GPATCH2L: variants seen among roughly 807,000 people sequenced by gnomAD.
The protein encoded by GPATCH2L is G-patch domain containing 2 like.
Under a neutral mutation model 57.4 loss-of-function variants are expected in GPATCH2L, and 31 were observed. The observed-to-expected ratio is 0.54, with a 90% CI of 0.41 to 0.73. GPATCH2L has a LOEUF of 0.73. Ranked by LOEUF, GPATCH2L falls within the 30% of genes least tolerant of loss-of-function variation. The pLI, the probability that GPATCH2L is intolerant of heterozygous loss-of-function variation, is 0.00. For missense variants in GPATCH2L, 481 were observed against 599.9 expected (o/e 0.80, Z 2.07); for synonymous variants, 199 against 210.7 (o/e 0.94, Z 0.48).
intron 2 of GPATCH2L, among the ~76,000 whole-genome samples, chr14:76,160,173 G>A (rs1900120): frequency 0.77 from 116,682 of 152,032 alleles, 45,795 homozygotes; most frequent in South Asian, 0.88. Context: ...ACTGAATGAT[G>A]CTCAATGGGA....
intron 8 of GPATCH2L, among the ~76,000 whole-genome samples, chr14:76,188,259 G>A (rs549513594): frequency 5.9e-5 from 9 of 152,176 alleles, no homozygotes; most frequent in African/African-American, 1.7e-4. Flanking sequence ...GGATCATATG[G>A]TAGCTCTATT....
chr14:76,230,960 T>C (rs542344414), intron 2 of GPATCH2L, among the ~76,000 whole-genome samples: 1 of 152,222 alleles, frequency 6.6e-6, no homozygotes, highest in Non-Finnish European at 1.5e-5. Flanking sequence ...TGATCCTAAA[T>C]AGTGGCCTGT....
intron 2 of GPATCH2L, among the ~76,000 whole-genome samples, chr14:76,164,140 G>A (rs1353986767): frequency 6.6e-6 from 1 of 152,144 alleles, no homozygotes; most frequent in East Asian, 1.9e-4. Flanking sequence ...TTGCTTCTAT[G>A]GGATGTTGAC....
Position 76,209,655 on chromosome 14 carries a change from T to A in GPATCH2L, c.*7804T>A, listed in dbSNP as rs77244986. The A allele has an allele frequency of 0.022, 3,373 of 152,386 alleles. 75 individuals carry two copies. The highest frequency in any genetic ancestry group is 0.077 in the South Asian group (371 of 4,828). The allele number at this position is 152,386 out of a possible 1,614,324, so 9.4% of individuals were successfully genotyped here. On this transcript the variant is annotated 3_prime_UTR_variant, in exon 10 of 10. Coordinates refer to ENST00000261530, the MANE Select transcript of GPATCH2L (RefSeq NM_017926.4). ...GGCTTTCTGCTGCTGGTTAATTTTT[T>A]AATTTGGCTTCCTCAAGCCTTTTTG... is the stretch of plus-strand genomic sequence containing the variant.
intron 9 of GPATCH2L, among the ~76,000 whole-genome samples, chr14:76,198,760 G>A (rs1473230908): frequency 6.6e-6 from 1 of 150,600 alleles, no homozygotes; most frequent in Admixed American, 6.7e-5. Flanking sequence ...ATTGTCAAAT[G>A]TATTGTCAGA....
chr14:76,218,083 A>G (rs75940649), downstream of GPATCH2L, among the ~76,000 whole-genome samples: 187 of 152,274 alleles, frequency 1.2e-3, 4 homozygotes, highest in East Asian at 0.026. Flanking sequence ...GTGATAAAAT[A>G]TATTTATCTC....
At chr14:76,194,336 T>C (rs1388713324) in intron 8 of GPATCH2L, among the ~76,000 whole-genome samples, 1 of 152,228 alleles carries the variant, frequency 6.6e-6, no homozygotes, top group Non-Finnish European at 1.5e-5. Flanking sequence ...GGATGGAATT[T>C]TCCAAACCAC....
At chr14:76,228,715 C>G (rs1490013997) in intron 1 of GPATCH2L, among the ~76,000 whole-genome samples, 1 of 152,186 alleles carries the variant, frequency 6.6e-6, no homozygotes, top group Admixed American at 6.5e-5. Flanking sequence ...TCTCCTCCCT[C>G]TGTGTCCTTT....
In GPATCH2L at chr14:76,160,546, A is replaced by G. The variant is rs186835912; in HGVS notation, c.662+5521A>G. The stretch of plus-strand genomic sequence containing the variant: ...AAGAAGATACAACTGAAGAGAAAAA[A>G]GTGTTCTTGAGTTGAAAAATTAAGT... On this transcript the variant is annotated intron_variant, in intron 2 of 9. Transcript: ENST00000261530. Among the ~76,000 whole-genome samples, 11 of 152,368 alleles carry G rather than the reference A, an allele frequency of 7.2e-5. 1 individual carries two copies. The South Asian group carries it at 2.3e-3, about 32-fold the overall frequency.
At position 76,211,198 on chromosome 14, in the gene GPATCH2L, A is replaced by G. The variant is rs536089415; in HGVS notation, c.*9347A>G. 6.6e-6 allele frequency: 1 copy of G among 152,278 alleles called. No homozygotes were observed. Among genetic ancestry groups the G allele is most frequent in the African/African-American group, 2.4e-5 (1 of 41,450 alleles). The allele number at this position is 152,278 out of a possible 1,614,324, so 9.4% of individuals were successfully genotyped here. ...CACATGTAAAGCTTACAGAGGAACA[A>G]AGAGAGAAAGGCAAGAGCCAGGAAG... On this transcript the variant is annotated 3_prime_UTR_variant, in exon 10 of 10. Transcript: ENST00000261530.
chr14:76,233,955 G>A (rs2040586612), intron 2 of GPATCH2L, among the ~76,000 whole-genome samples: 1 of 151,818 alleles, frequency 6.6e-6, no homozygotes, highest in African/African-American at 2.4e-5. Context: ...ATAAGAAAAA[G>A]GAAAAATTAG....
chr14:76,177,806 C>A, intron 6 of GPATCH2L, 182 bp from the exon 7 acceptor site: 2 of 782,036 alleles, frequency 2.6e-6, no homozygotes, highest in South Asian at 1.6e-5. Context: ...TTAATTATTC[C>A]AACATCTTAT....
rs2040425998 is a variant in GPATCH2L at position 76,210,293 on chromosome 14, C to G, written c.*8442C>G. 6.6e-6 allele frequency: 1 copy of G among 152,170 alleles called. No homozygotes were observed. Among genetic ancestry groups the G allele is most frequent in the African/African-American group, 2.4e-5 (1 of 41,438 alleles). The allele number at this position is 152,170 out of a possible 1,614,324, so 9.4% of individuals were successfully genotyped here. On this transcript the variant is annotated 3_prime_UTR_variant, in exon 10 of 10. Coordinates refer to ENST00000261530, the MANE Select transcript of GPATCH2L (RefSeq NM_017926.4). The stretch of plus-strand genomic sequence containing the variant: ...CAGTTACAGACAAACTTGCTCGAGT[C>G]ACATATCTATTAAGTGTCAGTCAAG...
In GPATCH2L at chr14:76,202,318, G is replaced by A. The variant is rs1416003088; in HGVS notation, c.*467G>A. On this transcript the variant is annotated 3_prime_UTR_variant, in exon 10 of 10. Coordinates refer to ENST00000261530, the MANE Select transcript of GPATCH2L (RefSeq NM_017926.4). Reference sequence around the variant, plus strand: ...TGGAATTGTGTTCGCAGGAGATAAGGCTTGCCTTTGAGCCTACTCTTGATT... The same window carrying A: ...TGGAATTGTGTTCGCAGGAGATAAGACTTGCCTTTGAGCCTACTCTTGATT... 1.3e-5 allele frequency: 2 copies of A among 152,862 alleles called. No individual in the cohort carries two copies. Among genetic ancestry groups the A allele is most frequent in the East Asian group, 3.8e-4 (2 of 5,204 alleles). The allele number at this position is 152,862 out of a possible 1,614,324, so 9.5% of individuals were successfully genotyped here. A position where few individuals can be genotyped will look rare whatever the true frequency, so the allele number is the denominator to read the frequency against.
intron 8 of GPATCH2L, among the ~76,000 whole-genome samples, chr14:76,184,718 G>A (rs925075024): frequency 1.3e-5 from 2 of 152,166 alleles, no homozygotes; most frequent in African/African-American, 4.8e-5. Flanking sequence ...TAGCACTCTG[G>A]AAATAGTTAA....
intron 8 of GPATCH2L, among the ~76,000 whole-genome samples, chr14:76,182,788 G>A (rs1408849075): frequency 1.3e-5 from 2 of 152,048 alleles, no homozygotes; most frequent in Non-Finnish European, 2.9e-5. Flanking sequence ...GTCAGGTATG[G>A]AAGTTGACAA....
chr14:76,231,225 G>A (rs1211577589), intron 2 of GPATCH2L, among the ~76,000 whole-genome samples: 2 of 152,170 alleles, frequency 1.3e-5, no homozygotes, highest in Non-Finnish European at 2.9e-5. Context: ...CTCAAGGAAC[G>A]AAGCCCTCAC....
chr14:76,153,186 C>T (rs1338025591), intron 1 of GPATCH2L, among the ~76,000 whole-genome samples: 1 of 152,170 alleles, frequency 6.6e-6, no homozygotes, highest in Non-Finnish European at 1.5e-5. Context: ...TTTTAGAAAG[C>T]CCTTTGCAAA....
downstream of GPATCH2L, among the ~76,000 whole-genome samples, chr14:76,216,545 G>A (rs2040490670): frequency 6.6e-6 from 1 of 152,084 alleles, no homozygotes; most frequent in Non-Finnish European, 1.5e-5. Flanking sequence ...CTCATTCAGG[G>A]GAAATAGAAT....
Sources: gnomAD v4.1 joint callset for allele counts (sites outside exome capture counted in the v4.1 genomes callset) on GRCh38, gnomAD v4.1.1 for gene constraint, MANE v1.5 for transcripts, NCBI Gene and HGNC (gene_info 2026-07-23, HGNC 2026-07-21) for gene names.